The following NPAS3 variants were observed in gnomAD, a reference collection of about 807,000 sequenced individuals.
The protein encoded by NPAS3 is neuronal PAS domain protein 3.
Under a neutral mutation model 73.1 loss-of-function variants are expected in NPAS3, and 14 were observed. The ratio of observed to expected loss-of-function variants is 0.19; its 90% confidence interval spans 0.13 to 0.30. The LOEUF (loss-of-function observed/expected upper bound fraction) is 0.30. Ranked by LOEUF, NPAS3 falls within the 10% of genes least tolerant of loss-of-function variation. NPAS3 has a pLI of 1.00. For synonymous variants in NPAS3, 620 were observed against 541.5 expected, an observed-to-expected ratio of 1.14 and a Z score of -2.01; for missense variants, 1,096 against 1,250.0, an observed-to-expected ratio of 0.88 and a Z score of 1.86.
intron 5 of NPAS3, among the ~76,000 whole-genome samples, chr14:33,642,338 G>A (rs1004272745): frequency 1.3e-5 from 2 of 152,126 alleles, no homozygotes; most frequent in African/African-American, 4.8e-5. Context: ...TTTTAAGCCA[G>A]GCATGTTCTA....
intron 6 of NPAS3, among the ~76,000 whole-genome samples, chr14:33,682,718 A>T (rs1373766421): frequency 6.6e-6 from 1 of 152,258 alleles, no homozygotes; most frequent in Non-Finnish European, 1.5e-5. Flanking sequence ...TGCAAGGCCT[A>T]GGCATACTTA....
At chr14:33,562,272 GTGTAGACA>G (rs1479243005) in intron 5 of NPAS3, among the ~76,000 whole-genome samples, 1 of 152,164 alleles carries the variant, frequency 6.6e-6, no homozygotes, top group African/African-American at 2.4e-5. Flanking sequence ...TAAAGCAACT[GTGTAGACA>G]TGGTACAGTA....
chr14:33,217,115 A>G (rs2047253924), intron 3 of NPAS3, among the ~76,000 whole-genome samples: 1 of 152,136 alleles, frequency 6.6e-6, no homozygotes, highest in Non-Finnish European at 1.5e-5. Flanking sequence ...TGGCAGCAGG[A>G]GAGAGAAAGA....
intron 5 of NPAS3, among the ~76,000 whole-genome samples, chr14:33,566,477 C>G (rs2055948540): frequency 6.6e-6 from 1 of 152,070 alleles, no homozygotes; most frequent in Non-Finnish European, 1.5e-5. Context: ...TCCAAATAGG[C>G]AAACACGCCT....
chr14:32,982,754 C>T (rs959485478), intron 1 of NPAS3, among the ~76,000 whole-genome samples: 2 of 152,146 alleles, frequency 1.3e-5, no homozygotes, highest in African/African-American at 4.8e-5. Context: ...CATTTTATTG[C>T]TAACTGTAGG....
intron 7 of NPAS3, among the ~76,000 whole-genome samples, chr14:33,744,373 C>T (rs1270838959): frequency 1.3e-5 from 2 of 152,170 alleles, no homozygotes; most frequent in African/African-American, 2.4e-5. Context: ...AGTCAGAACA[C>T]ACACAACATT....
At chr14:33,762,982 A>C in intron 7 of NPAS3, among the ~76,000 whole-genome samples, 1 of 152,250 alleles carries the variant, frequency 6.6e-6, no homozygotes, top group East Asian at 1.9e-4. Context: ...ATGTTCTCTG[A>C]AATGTACCAC....
chr14:33,674,688 G>A (rs2059708059), intron 5 of NPAS3, among the ~76,000 whole-genome samples: 1 of 152,212 alleles, frequency 6.6e-6, no homozygotes, highest in Admixed American at 6.5e-5. Context: ...CAGGAGGAGA[G>A]TGCAATTTAA....
chr14:32,975,301 C>CTCCCTTCCTCCCTCA lies in NPAS3; in HGVS notation c.50+35935_50+35936insTCCCTTCCTCCCTCA, dbSNP rs1555313389. Among the ~76,000 whole-genome samples the CTCCCTTCCTCCCTCA allele has an allele frequency of 1.0e-3, 122 of 116,294 alleles. 1 individual carries two copies. The highest frequency in any genetic ancestry group is 3.8e-3 in the African/African-American group (121 of 31,846). The allele number at this position is 116,294 out of a possible 152,430, so 76.3% of individuals were successfully genotyped here. On this transcript the variant is annotated intron_variant, in intron 1 of 11. Transcript: ENST00000356141. The stretch of plus-strand genomic sequence containing the variant: ...TGCCCTTCTATTCCTTCCCTCCCTC[C>CTCCCTTCCTCCCTCA]CTCCCTGCCTCCGTCACTCCCTGCC...
At chr14:33,613,030 T>A (rs1343915769) in intron 5 of NPAS3, among the ~76,000 whole-genome samples, 1 of 152,218 alleles carries the variant, frequency 6.6e-6, no homozygotes. Context: ...TAATTCCTGA[T>A]AGAGATCAGG....
intron 1 of NPAS3, among the ~76,000 whole-genome samples, chr14:33,000,162 GTTTTATTTTTAT>G (rs77320106): frequency 2.0e-5 from 3 of 151,278 alleles, no homozygotes; most frequent in Admixed American, 6.6e-5. Context: ...TAAATAAAAT[GTTTTATTTTTAT>G]TTTTATTTTT....
At chr14:33,018,497 T>G (rs922110848) in intron 1 of NPAS3, among the ~76,000 whole-genome samples, 2 of 152,200 alleles carry the variant, frequency 1.3e-5, no homozygotes, top group Non-Finnish European at 2.9e-5. Flanking sequence ...GAACTCTCAT[T>G]TCTCTTCTAA....
intron 5 of NPAS3, among the ~76,000 whole-genome samples, chr14:33,588,514 C>T (rs1355501339): frequency 6.6e-6 from 1 of 152,198 alleles, no homozygotes; most frequent in Non-Finnish European, 1.5e-5. Flanking sequence ...GAGAACTCTT[C>T]CTGCTTTTCT....
intron 4 of NPAS3, among the ~76,000 whole-genome samples, chr14:33,515,327 G>A (rs1159956517): frequency 6.6e-6 from 1 of 151,802 alleles, no homozygotes; most frequent in Admixed American, 6.6e-5. Context: ...ATTTTGAATG[G>A]GCATATTTAC....
intron 3 of NPAS3, among the ~76,000 whole-genome samples, chr14:33,331,616 T>A (rs1379542339): frequency 2.6e-5 from 4 of 151,882 alleles, no homozygotes; most frequent in African/African-American, 4.8e-5. Context: ...CTGGGACTCC[T>A]CTTTAATTCG....
chr14:33,663,777 G>T (rs2059376658), intron 5 of NPAS3, among the ~76,000 whole-genome samples: 1 of 152,086 alleles, frequency 6.6e-6, no homozygotes, highest in African/African-American at 2.4e-5. Flanking sequence ...TCTTGGGAGG[G>T]TGTATGTGTC....
intron 2 of NPAS3, among the ~76,000 whole-genome samples, chr14:33,083,131 C>T (rs191117998): frequency 5.2e-4 from 65 of 124,402 alleles, no homozygotes; most frequent in Middle Eastern, 6.0e-3. Flanking sequence ...TGCAGTGAGC[C>T]GTGATCATGC....
intron 3 of NPAS3, among the ~76,000 whole-genome samples, chr14:33,215,917 T>C (rs962694310): frequency 1.3e-5 from 2 of 152,222 alleles, no homozygotes; most frequent in African/African-American, 4.8e-5. Context: ...CAATTTTCTC[T>C]ATATACATAT....
chr14:33,068,815 C>G (rs1447994553), intron 2 of NPAS3, among the ~76,000 whole-genome samples: 1 of 152,134 alleles, frequency 6.6e-6, no homozygotes, highest in Non-Finnish European at 1.5e-5. Context: ...GAATGGACAA[C>G]CACTACAAAG....
Sources: allele counts gnomAD v4.1 joint callset (sites outside exome capture counted in the v4.1 genomes callset), GRCh38; gene constraint gnomAD v4.1.1; transcripts MANE v1.5; gene names NCBI Gene and HGNC (gene_info 2026-07-23, HGNC 2026-07-21).